The following ALX4 variants were observed in gnomAD, a reference collection of about 807,000 sequenced individuals.
ALX4 encodes the protein homeobox protein aristaless-like 4.
Under a neutral mutation model 40.6 loss-of-function variants are expected in ALX4, and 22 were observed. The ratio of observed to expected loss-of-function variants is 0.54; its 90% CI spans 0.39 to 0.77. The LOEUF (loss-of-function observed/expected upper bound fraction) is 0.77, where lower values mean the gene tolerates loss of function less well. ALX4 is among the 30% of genes least tolerant of loss of function. The pLI, the probability that ALX4 is intolerant of heterozygous loss-of-function variation, is 0.00. For synonymous variants in ALX4, 266 were observed against 240.5 expected, an observed-to-expected ratio of 1.11 and a Z score of -0.98; for missense variants, 556 against 564.8, an observed-to-expected ratio of 0.98 and a Z score of 0.16.
intron 1 of ALX4, among the ~76,000 whole-genome samples, chr11:44,296,669 C>T (rs1590701726): frequency 6.6e-6 from 1 of 152,154 alleles, no homozygotes; most frequent in East Asian, 1.9e-4. Context: ...AGGAGATACA[C>T]AAATGGCCAG....
chr11:44,278,164 G>A (rs758343279), intron 1 of ALX4, among the ~76,000 whole-genome samples: 14 of 152,060 alleles, frequency 9.2e-5, no homozygotes, highest in Non-Finnish European at 1.9e-4. Context: ...CCCCATAGAC[G>A]CTTGCTGGGG....
chr11:44,274,159 A>G (rs1264480863), intron 2 of ALX4, among the ~76,000 whole-genome samples: 1 of 152,184 alleles, frequency 6.6e-6, no homozygotes, highest in African/African-American at 2.4e-5. Flanking sequence ...AACAAAAAAA[A>G]TTTAAAAAAT....
At chr11:44,281,695 G>A (rs1467983691) in intron 1 of ALX4, among the ~76,000 whole-genome samples, 3 of 152,010 alleles carry the variant, frequency 2.0e-5, no homozygotes, top group Non-Finnish European at 2.9e-5. Context: ...GAGGGCGGAG[G>A]TTAAAGTTTA....
At chr11:44,304,546 C>G (rs1956455171) in intron 1 of ALX4, among the ~76,000 whole-genome samples, 2 of 152,194 alleles carry the variant, frequency 1.3e-5, no homozygotes, top group Admixed American at 1.3e-4. Flanking sequence ...CTCCGGGCAA[C>G]TATCCCCCTC....
intron 1 of ALX4, among the ~76,000 whole-genome samples, chr11:44,288,982 C>A (rs533979562): frequency 3.9e-4 from 60 of 152,288 alleles, no homozygotes; most frequent in African/African-American, 1.4e-3. Flanking sequence ...CCTGTTCTCT[C>A]CCCCACCCTG....
intron 2 of ALX4, among the ~76,000 whole-genome samples, chr11:44,270,815 C>T (rs528310064): frequency 5.1e-4 from 78 of 152,342 alleles, no homozygotes; most frequent in Middle Eastern, 3.4e-3. Context: ...TCCCGAGGAC[C>T]GGGCTGTGCA....
Position 44,264,557 on chromosome 11 carries a change from C to T in ALX4, c.*297G>A, listed in dbSNP as rs1022954351. On this transcript the variant is annotated 3_prime_UTR_variant, in exon 4 of 4. Transcript: ENST00000652299. Reference sequence around the variant, plus strand: ...AGAGGAGTGGGCGGGAGCAAGAAAGCGCTTTCAGCTTATCATGGATGCGAA... The same window carrying T: ...AGAGGAGTGGGCGGGAGCAAGAAAGTGCTTTCAGCTTATCATGGATGCGAA... 1.2e-5 allele frequency: 6 copies of T among 513,490 alleles called. No individual in the cohort carries two copies. Among genetic ancestry groups the T allele is most frequent in the African/African-American group, 1.9e-5 (1 of 52,408 alleles). The allele number at this position is 513,490 out of a possible 1,614,324, so 31.8% of individuals were successfully genotyped here.
At chr11:44,266,593 C>T (rs1246645567) in intron 3 of ALX4, among the ~76,000 whole-genome samples, 4 of 152,114 alleles carry the variant, frequency 2.6e-5, no homozygotes, top group South Asian at 2.1e-4. Context: ...CAGGGGCGCC[C>T]GTGCTACTGG....
In ALX4 at chr11:44,265,818, C is replaced by T. The variant is rs1425766183; in HGVS notation, c.907-635G>A. On this transcript the variant is annotated intron_variant, in intron 3 of 3. Transcript: ENST00000652299. ...GACAGCCAGATCTGAGACCGGACCT[C>T]CTCGTGCCAAAGGGGCGAGGGCATG... is the stretch of plus-strand genomic sequence containing the variant. Among the ~76,000 whole-genome samples, 4 of 152,286 alleles carry T rather than the reference C, an allele frequency of 2.6e-5. No homozygotes were observed. The South Asian group carries it at 8.3e-4, about 32-fold the overall frequency.
intron 1 of ALX4, among the ~76,000 whole-genome samples, chr11:44,297,229 T>C (rs1956408008): frequency 6.6e-6 from 1 of 152,188 alleles, no homozygotes; most frequent in African/African-American, 2.4e-5. Flanking sequence ...CACTTGTAGA[T>C]GTTAAAGTGG....
At position 44,264,784 on chromosome 11, in the gene ALX4, G is replaced by A; in HGVS notation, c.*70C>T. 6.4e-7 allele frequency: 1 copy of A among 1,558,614 alleles called. No individual in the cohort carries two copies. Among genetic ancestry groups the A allele is most frequent in the Non-Finnish European group, 8.7e-7 (1 of 1,143,252 alleles). On this transcript the variant is annotated 3_prime_UTR_variant, in exon 4 of 4. Coordinates refer to ENST00000652299, the MANE Select transcript of ALX4 (RefSeq NM_021926.4). ...TTCCTAAGAGGAAAGTCGAGTGGGA[G>A]GCTGGGGGCCTGGAAAACATGGGCG...
intron 1 of ALX4, among the ~76,000 whole-genome samples, chr11:44,304,752 G>T (rs887190929): frequency 1.3e-5 from 2 of 152,266 alleles, no homozygotes; most frequent in Non-Finnish European, 2.9e-5. Context: ...GAGAAGAAGG[G>T]ACGTCCCGGA....
intron 1 of ALX4, among the ~76,000 whole-genome samples, chr11:44,302,644 G>C (rs773229899): frequency 2.1e-5 from 3 of 144,450 alleles, no homozygotes; most frequent in Non-Finnish European, 4.4e-5. Flanking sequence ...GCCTCAGCTT[G>C]AGCCTGGTCA....
intron 2 of ALX4, among the ~76,000 whole-genome samples, chr11:44,270,748 G>T (rs375727422): frequency 1.3e-5 from 2 of 152,144 alleles, no homozygotes; most frequent in African/African-American, 4.8e-5. Context: ...CTGTTCTCCC[G>T]GTCTGAATGT....
At chr11:44,298,529 G>A (rs767258649) in intron 1 of ALX4, among the ~76,000 whole-genome samples, 8 of 152,294 alleles carry the variant, frequency 5.3e-5, no homozygotes, top group South Asian at 4.1e-4. Context: ...GGGTGCCAGC[G>A]GGCAGGACAC....
intron 1 of ALX4, among the ~76,000 whole-genome samples, chr11:44,307,658 C>T (rs112503058): frequency 0.025 from 3,801 of 152,330 alleles, 160 homozygotes; most frequent in African/African-American, 0.087. Flanking sequence ...CCCTAGTCTG[C>T]GACCTGCCCT....
chr11:44,308,442 TC>T (rs908744100), intron 1 of ALX4, among the ~76,000 whole-genome samples: 4 of 152,174 alleles, frequency 2.6e-5, no homozygotes, highest in Admixed American at 6.5e-5. Context: ...CCCCAACTCT[TC>T]CCACCAGGGC....
rs201040076 is a variant in ALX4, at chr11:44,287,595, C to CA, written c.467-11938dup. On this transcript the variant is annotated intron_variant, in intron 1 of 3. Coordinates refer to ENST00000652299, the MANE Select transcript of ALX4 (RefSeq NM_021926.4). ...GGGTGACAGAGGCAGAGACCTGTCT[C>CA]AAAAAAAAAAGAAAAGAAAAGAAAA... 2.2e-3 allele frequency among the ~76,000 whole-genome samples: 289 copies of CA among 130,616 alleles called. 4 individuals carry two copies. The highest frequency in any genetic ancestry group is 6.2e-3 in the African/African-American group (214 of 34,724). The allele number at this position is 130,616 out of a possible 152,430, so 85.7% of individuals were successfully genotyped here.
rs1461944762 is a variant in ALX4, at chr11:44,260,458, G to A, written c.*4396C>T. ...TCCAGTTGAGAGGAGGAAGGAGAAG[G>A]AGTTTATTGCAAATAACAACAACCA... On this transcript the variant is annotated 3_prime_UTR_variant, in exon 4 of 4. Coordinates refer to ENST00000652299, the MANE Select transcript of ALX4 (RefSeq NM_021926.4). The A allele has an allele frequency of 6.6e-6, 1 of 152,148 alleles. No individual in the cohort carries two copies. The highest frequency in any genetic ancestry group is 1.5e-5 in the Non-Finnish European group (1 of 68,042). 9.4% of individuals were successfully genotyped at this position (152,148 alleles called of 1,614,324 possible).
Sources: allele counts gnomAD v4.1 joint callset (sites outside exome capture counted in the v4.1 genomes callset), GRCh38; gene constraint gnomAD v4.1.1; transcripts MANE v1.5; gene names NCBI Gene and HGNC (gene_info 2026-07-23, HGNC 2026-07-21).